RGS7: variants seen among roughly 807,000 people sequenced by gnomAD.
RGS7 encodes the protein regulator of G protein signaling 7.
RGS7 carries 27 observed loss-of-function variants against 81.1 expected under a neutral mutation model. The observed-to-expected ratio is 0.33, with a 90% CI of 0.25 to 0.46. The LOEUF (loss-of-function observed/expected upper bound fraction) is 0.46. Ranked by LOEUF, RGS7 falls within the 20% of genes least tolerant of loss-of-function variation. The pLI, the probability that RGS7 is intolerant of heterozygous loss-of-function variation, is 1.00. For synonymous variants in RGS7, 208 were observed against 207.7 expected (o/e 1.00, Z -0.01); for missense variants, 396 against 607.4 (o/e 0.65, Z 3.66).
chr1:241,269,123 A>C (rs1457010207), intron 2 of RGS7, among the ~76,000 whole-genome samples: 2 of 152,232 alleles, frequency 1.3e-5, no homozygotes, highest in Non-Finnish European at 2.9e-5. Context: ...AACTCAGATC[A>C]ACTATCTCAT....
At chr1:241,291,400 G>A (rs1325989296) in intron 2 of RGS7, among the ~76,000 whole-genome samples, 2 of 152,040 alleles carry the variant, frequency 1.3e-5, no homozygotes, top group Admixed American at 1.3e-4. Context: ...AATCCTTAGA[G>A]GAATTTTCAC....
At chr1:241,225,649 T>C (rs769551337) in intron 2 of RGS7, among the ~76,000 whole-genome samples, 2 of 152,182 alleles carry the variant, frequency 1.3e-5, no homozygotes, top group African/African-American at 4.8e-5. Flanking sequence ...TGAGTGACTA[T>C]GATATTTCCA....
chr1:241,331,531 T>C (rs2081979332), intron 2 of RGS7, among the ~76,000 whole-genome samples: 1 of 152,200 alleles, frequency 6.6e-6, no homozygotes, highest in Non-Finnish European at 1.5e-5. Flanking sequence ...GTTGCTGCCA[T>C]TGATATTATA....
At chr1:240,915,447 C>T (rs926948240) in intron 6 of RGS7, among the ~76,000 whole-genome samples, 6 of 152,164 alleles carry the variant, frequency 3.9e-5, no homozygotes, top group Non-Finnish European at 2.9e-5. Context: ...TGTATAATAA[C>T]AGATGAACGC....
At chr1:241,085,064 G>T (rs1448579635) in intron 3 of RGS7, among the ~76,000 whole-genome samples, 1 of 152,184 alleles carries the variant, frequency 6.6e-6, no homozygotes, top group Non-Finnish European at 1.5e-5. Flanking sequence ...TCAAATTCCA[G>T]TTTAATGAAA....
intron 6 of RGS7, among the ~76,000 whole-genome samples, chr1:240,884,240 G>GTA (rs1350346454): frequency 1.3e-5 from 2 of 152,092 alleles, no homozygotes; most frequent in Non-Finnish European, 2.9e-5. Context: ...TGTGAGCTCA[G>GTA]TATGAATTAA....
At chr1:241,277,358 G>T (rs193056907) in intron 2 of RGS7, among the ~76,000 whole-genome samples, 1 of 152,256 alleles carries the variant, frequency 6.6e-6, no homozygotes, top group Non-Finnish European at 1.5e-5. Flanking sequence ...GGTGGCTCAC[G>T]CCTGTAATCC....
intron 2 of RGS7, among the ~76,000 whole-genome samples, chr1:241,127,053 G>A (rs184752037): frequency 1.3e-5 from 2 of 152,216 alleles, no homozygotes; most frequent in East Asian, 3.9e-4. Context: ...TATGGTCTAA[G>A]GAGAATATGC....
At chr1:240,968,238 G>C (rs1268507284) in intron 4 of RGS7, among the ~76,000 whole-genome samples, 2 of 152,182 alleles carry the variant, frequency 1.3e-5, no homozygotes, top group Non-Finnish European at 2.9e-5. Flanking sequence ...AAATGAGTAA[G>C]CCTCAGGCCT....
At chr1:241,194,658 C>T (rs562218782) in intron 2 of RGS7, among the ~76,000 whole-genome samples, 9 of 152,270 alleles carry the variant, frequency 5.9e-5, no homozygotes, top group African/African-American at 2.2e-4. Context: ...GTTTATTTTG[C>T]ACCAATTTCC....
chr1:241,140,288 T>C (rs1470138313), intron 2 of RGS7, among the ~76,000 whole-genome samples: 4 of 152,182 alleles, frequency 2.6e-5, no homozygotes, highest in African/African-American at 4.8e-5. Context: ...ACTTGAAAGC[T>C]CCTACCAGGA....
intron 9 of RGS7, among the ~76,000 whole-genome samples, chr1:240,833,264 AG>A (rs1694145899): frequency 6.6e-6 from 1 of 152,180 alleles, no homozygotes; most frequent in Non-Finnish European, 1.5e-5. Context: ...TGCTGGACAA[AG>A]GGGTGACTCA....
chr1:240,934,313 A>C (rs960467468), intron 5 of RGS7, among the ~76,000 whole-genome samples: 1 of 152,218 alleles, frequency 6.6e-6, no homozygotes, highest in African/African-American at 2.4e-5. Flanking sequence ...ATTTGTAAAC[A>C]CGGCATCCCA....
At chr1:240,833,036 A>C (rs1352831198) in intron 9 of RGS7, among the ~76,000 whole-genome samples, 1 of 152,192 alleles carries the variant, frequency 6.6e-6, no homozygotes, top group Admixed American at 6.5e-5. Context: ...AGGAACAATA[A>C]GAAATTAACA....
At chr1:241,245,861 T>A (rs1037503284) in intron 2 of RGS7, among the ~76,000 whole-genome samples, 1 of 150,480 alleles carries the variant, frequency 6.6e-6, no homozygotes, top group Non-Finnish European at 1.5e-5. Flanking sequence ...TCCCAGCACT[T>A]TGGGAGGCCG....
At chr1:241,335,990 GT>G (rs1287444542) in intron 2 of RGS7, among the ~76,000 whole-genome samples, 3 of 152,048 alleles carry the variant, frequency 2.0e-5, no homozygotes, top group Non-Finnish European at 4.4e-5. Context: ...TTAGAGTAGT[GT>G]GATTATGATT....
At chr1:240,977,022 T>TTATCTATC (rs200497107) in intron 4 of RGS7, among the ~76,000 whole-genome samples, 1 of 148,710 alleles carries the variant, frequency 6.7e-6, no homozygotes. Context: ...TCTCTATCAT[T>TTATCTATC]TATCTATCTA....
intron 3 of RGS7, among the ~76,000 whole-genome samples, chr1:241,038,732 T>C (rs2060453560): frequency 2.6e-5 from 4 of 152,178 alleles, no homozygotes; most frequent in Admixed American, 6.5e-5. Flanking sequence ...CACTCATGCC[T>C]GTGATCCTAG....
At chr1:241,247,364 C>T (rs1408123796) in intron 2 of RGS7, among the ~76,000 whole-genome samples, 3 of 152,042 alleles carry the variant, frequency 2.0e-5, no homozygotes, top group Non-Finnish European at 4.4e-5. Context: ...GAGTTGAAAT[C>T]GTAGGAAGAA....
Sources: gnomAD v4.1 joint callset for allele counts (sites outside exome capture counted in the v4.1 genomes callset) on GRCh38, gnomAD v4.1.1 for gene constraint, MANE v1.5 for transcripts, NCBI Gene and HGNC (gene_info 2026-07-23, HGNC 2026-07-21) for gene names.